ARHGAP42: variants seen among roughly 807,000 people sequenced by gnomAD.
ARHGAP42 encodes rho GTPase-activating protein 42.
A neutral mutation model predicts 125.0 loss-of-function variants in ARHGAP42; 63 were observed. That is an observed-to-expected ratio of 0.50 (90% confidence interval 0.41 to 0.62). The LOEUF (loss-of-function observed/expected upper bound fraction) is 0.62. Ranked by LOEUF, ARHGAP42 falls within the 20% of genes least tolerant of loss-of-function variation. ARHGAP42 has a pLI of 0.00. For synonymous variants in ARHGAP42, 339 were observed against 351.0 expected (o/e 0.97, Z 0.38); for missense variants, 766 against 1,024.2 (o/e 0.75, Z 3.44).
At chr11:100,838,140 A>G (rs1000054019) in intron 3 of ARHGAP42, among the ~76,000 whole-genome samples, 1 of 151,806 alleles carries the variant, frequency 6.6e-6, no homozygotes, top group African/African-American at 2.4e-5. Context: ...GTTATTTTGT[A>G]GAAATTTCCT....
In ARHGAP42 at chr11:100,981,101, G is replaced by A. The variant is rs534375805; in HGVS notation, c.2456+2052G>A. ...TTTTTAGGTCACCACTTTCTAGTTC[G>A]TGTAACCTCAGAGTTACCAATGTTG... On this transcript the variant is annotated intron_variant, in intron 22 of 23. Coordinates refer to ENST00000298815, the MANE Select transcript of ARHGAP42 (RefSeq NM_152432.4). 1.9e-4 allele frequency among the ~76,000 whole-genome samples: 29 copies of A among 152,198 alleles called. 1 individual carries two copies. Among genetic ancestry groups the A allele is most frequent in the East Asian group, 1.5e-3 (8 of 5,164 alleles).
At chr11:100,689,638 C>G (rs1861152715) in intron 1 of ARHGAP42, among the ~76,000 whole-genome samples, 1 of 152,168 alleles carries the variant, frequency 6.6e-6, no homozygotes, top group Non-Finnish European at 1.5e-5. Context: ...GGAGCGTAGG[C>G]TCTTTGAAGA....
At chr11:100,763,807 G>C (rs1321544601) in intron 1 of ARHGAP42, among the ~76,000 whole-genome samples, 2 of 152,014 alleles carry the variant, frequency 1.3e-5, no homozygotes, top group African/African-American at 4.8e-5. Flanking sequence ...CTTTTAACAT[G>C]GTGTTTTATA....
At chr11:100,810,244 A>G (rs1358289766) in intron 3 of ARHGAP42, among the ~76,000 whole-genome samples, 1 of 152,158 alleles carries the variant, frequency 6.6e-6, no homozygotes, top group Non-Finnish European at 1.5e-5. Flanking sequence ...ATAAACAGAA[A>G]ACCAATCAAT....
intron 9 of ARHGAP42, among the ~76,000 whole-genome samples, chr11:100,942,416 G>C (rs1867910276): frequency 6.6e-6 from 1 of 152,138 alleles, no homozygotes; most frequent in East Asian, 1.9e-4. Flanking sequence ...CACATGGCTA[G>C]TGAACAGTAT....
intron 6 of ARHGAP42, among the ~76,000 whole-genome samples, chr11:100,925,251 G>A (rs1304158172): frequency 6.6e-6 from 1 of 151,942 alleles, no homozygotes; most frequent in Non-Finnish European, 1.5e-5. Context: ...CTGTATGGTA[G>A]CAATTACCCA....
chr11:100,793,663 T>C (rs1280626477), intron 2 of ARHGAP42, among the ~76,000 whole-genome samples: 1 of 143,078 alleles, frequency 7.0e-6, no homozygotes, highest in African/African-American at 2.8e-5. Flanking sequence ...TTTGATTTGT[T>C]TTTCTCACTT....
rs1337803345 is a variant in ARHGAP42 at position 100,990,129 on chromosome 11, A to T, written c.*1328A>T. 2 of 152,144 alleles carry T rather than the reference A, an allele frequency of 1.3e-5. No homozygotes were observed. The highest frequency in any genetic ancestry group is 2.1e-4 in the South Asian group (1 of 4,828). The allele number at this position is 152,144 out of a possible 1,614,324, so 9.4% of individuals were successfully genotyped here. A position where few individuals can be genotyped will look rare whatever the true frequency, so the allele number is the denominator to read the frequency against. ...TCTATTTCAATAATTCTAATATATT[A>T]TTTCTATAAATGTAATATCTGTATG... is the stretch of plus-strand genomic sequence containing the variant. On this transcript the variant is annotated 3_prime_UTR_variant, in exon 24 of 24. Transcript: ENST00000298815.
chr11:100,890,581 G>C (rs2135190872), intron 4 of ARHGAP42, among the ~76,000 whole-genome samples: 1 of 152,234 alleles, frequency 6.6e-6, no homozygotes. Flanking sequence ...CTGCTTGACT[G>C]TCATTAAAGG....
rs1489431517 is a variant in ARHGAP42 at position 100,693,997 on chromosome 11, TC to T, written c.154+6166del. On this transcript the variant is annotated intron_variant, in intron 1 of 23. Coordinates refer to ENST00000298815, the MANE Select transcript of ARHGAP42 (RefSeq NM_152432.4). ...GCCAGGCTGGAGTGCAGTGGCATGA[TC>T]TTGGCTTGCTGCAACCTCTGCCTCC... Among the ~76,000 whole-genome samples, 3 of 151,950 alleles carry T rather than the reference TC, an allele frequency of 2.0e-5. No homozygotes were observed. The East Asian group carries it at 5.8e-4, about 29-fold the overall frequency.
intron 4 of ARHGAP42, among the ~76,000 whole-genome samples, chr11:100,870,199 TA>T (rs1237129620): frequency 1.3e-5 from 2 of 152,188 alleles, no homozygotes; most frequent in Non-Finnish European, 2.9e-5. Context: ...TTACTTTTAG[TA>T]AATCTGGAGG....
intron 3 of ARHGAP42, among the ~76,000 whole-genome samples, chr11:100,826,270 G>T (rs1864513126): frequency 6.6e-6 from 1 of 152,100 alleles, no homozygotes; most frequent in East Asian, 1.9e-4. Context: ...GAATGAGATG[G>T]CTATTGAACG....
At chr11:100,705,034 GA>G (rs1363633585) in intron 1 of ARHGAP42, among the ~76,000 whole-genome samples, 1 of 133,296 alleles carries the variant, frequency 7.5e-6, no homozygotes, top group Non-Finnish European at 1.6e-5. Flanking sequence ...AAAAAAAAAA[GA>G]GAGAAGAAAA....
chr11:100,767,183 G>A (rs1334191943), intron 1 of ARHGAP42, among the ~76,000 whole-genome samples: 2 of 152,128 alleles, frequency 1.3e-5, no homozygotes, highest in South Asian at 2.1e-4. Context: ...CATGGACATC[G>A]TCAACATGTT....
intron 2 of ARHGAP42, among the ~76,000 whole-genome samples, chr11:100,792,146 A>T (rs1161672159): frequency 6.6e-6 from 1 of 152,208 alleles, no homozygotes; most frequent in Admixed American, 6.5e-5. Context: ...CCAAATGGGA[A>T]GTTCTAGTGT....
intron 12 of ARHGAP42, among the ~76,000 whole-genome samples, chr11:100,956,899 G>A (rs1272944891): frequency 6.6e-6 from 1 of 152,018 alleles, no homozygotes; most frequent in African/African-American, 2.4e-5. Context: ...AACACTTGTG[G>A]CTGACAGTCC....
intron 2 of ARHGAP42, among the ~76,000 whole-genome samples, chr11:100,782,987 A>G (rs775046361): frequency 3.3e-5 from 5 of 152,252 alleles, no homozygotes; most frequent in Admixed American, 6.5e-5. Context: ...ACTGCCTAGC[A>G]TCACAATCAA....
chr11:100,787,760 A>T (rs1591181489), intron 2 of ARHGAP42, among the ~76,000 whole-genome samples: 1 of 152,200 alleles, frequency 6.6e-6, no homozygotes, highest in African/African-American at 2.4e-5. Flanking sequence ...ATGGGTCATA[A>T]CCCCTGCCAA....
At chr11:100,690,838 G>C (rs1861176855) in intron 1 of ARHGAP42, among the ~76,000 whole-genome samples, 1 of 151,990 alleles carries the variant, frequency 6.6e-6, no homozygotes, top group Non-Finnish European at 1.5e-5. Context: ...CTGACCTCGT[G>C]ATCTGCCCGC....
Sources: allele counts gnomAD v4.1 joint callset (sites outside exome capture counted in the v4.1 genomes callset), GRCh38; gene constraint gnomAD v4.1.1; transcripts MANE v1.5; gene names NCBI Gene and HGNC (gene_info 2026-07-23, HGNC 2026-07-21).